The following EPC1 variants were observed in gnomAD, a reference collection of about 807,000 sequenced individuals.
The protein encoded by EPC1 is enhancer of polycomb homolog 1.
Under a neutral mutation model 98.4 loss-of-function variants are expected in EPC1, and 12 were observed. That is an observed-to-expected ratio of 0.12 (90% confidence interval 0.08 to 0.20). The LOEUF is 0.20. EPC1 is among the 10% of genes least tolerant of loss of function. The pLI, the probability that EPC1 is intolerant of heterozygous loss-of-function variation, is 1.00. For synonymous variants in EPC1, 357 were observed against 363.9 expected (o/e 0.98, Z 0.21); for missense variants, 729 against 990.5 (o/e 0.74, Z 3.54).
intron 1 of EPC1, among the ~76,000 whole-genome samples, chr10:32,336,366 C>T (rs1837975073): frequency 6.6e-6 from 1 of 152,132 alleles, no homozygotes; most frequent in Non-Finnish European, 1.5e-5. Flanking sequence ...CCGTGCCCGG[C>T]CTACTACCTA....
chr10:32,309,630 CG>C (rs923569126), intron 1 of EPC1, among the ~76,000 whole-genome samples: 1 of 142,480 alleles, frequency 7.0e-6, no homozygotes, highest in Non-Finnish European at 1.5e-5. Flanking sequence ...CCAAGGCAGG[CG>C]GATCACTTGA....
intron 10 of EPC1, chr10:32,284,260 T>A (rs903439642): frequency 6.5e-6 from 1 of 153,368 alleles, no homozygotes; most frequent in African/African-American, 2.4e-5. Context: ...CTTTAACAAA[T>A]TATTCTGAAT....
At chr10:32,362,756 A>G (rs1839479971) in intron 1 of EPC1, among the ~76,000 whole-genome samples, 2 of 152,112 alleles carry the variant, frequency 1.3e-5, no homozygotes, top group South Asian at 4.1e-4. Flanking sequence ...CCTGGTAGAT[A>G]AGGCACCAAA....
rs113979419 is a variant in EPC1 at position 32,354,000 on chromosome 10, C to G, written c.3+24491G>C. On this transcript the variant is annotated intron_variant, in intron 1 of 13. Coordinates refer to the EPC1 transcript ENST00000375110. ...GTTGGAAAGAAAATATTACAGTTGCCTTTCAATATATTTACTAAGGTGTCA... is the reference window on the plus strand; with the variant it reads ...GTTGGAAAGAAAATATTACAGTTGCGTTTCAATATATTTACTAAGGTGTCA... Among the ~76,000 whole-genome samples, 842 of 152,144 alleles carry G rather than the reference C, an allele frequency of 5.5e-3. 6 individuals carry two copies. The highest frequency in any genetic ancestry group is 9.3e-3 in the Non-Finnish European group (635 of 68,008).
chr10:32,346,648 T>G, intron 1 of EPC1, 115 bp downstream of exon 1: 8 of 1,027,978 alleles, frequency 7.8e-6, no homozygotes, highest in East Asian at 2.6e-5. Context: ...CGACTGAGAG[T>G]CGGCGGCGAA....
At chr10:32,362,782 C>T (rs1016991074) in intron 1 of EPC1, among the ~76,000 whole-genome samples, 4 of 152,090 alleles carry the variant, frequency 2.6e-5, no homozygotes, top group Admixed American at 2.6e-4. Flanking sequence ...ACATGGATAC[C>T]CCATCTGCTT....
chr10:32,315,709 T>C (rs117273045), intron 1 of EPC1, among the ~76,000 whole-genome samples: 4 of 152,330 alleles, frequency 2.6e-5, no homozygotes, highest in Non-Finnish European at 5.9e-5. Flanking sequence ...AGTAACTCTA[T>C]GGAGGAACAC....
intron 1 of EPC1, among the ~76,000 whole-genome samples, chr10:32,334,065 C>G (rs901992019): frequency 3.9e-5 from 6 of 152,174 alleles, no homozygotes; most frequent in African/African-American, 1.4e-4. Context: ...TGTGGAGAAA[C>G]AACCACATGC....
chr10:32,296,906 C>CAAA (rs879816360), intron 2 of EPC1, among the ~76,000 whole-genome samples: 7 of 129,604 alleles, frequency 5.4e-5, no homozygotes, highest in African/African-American at 1.9e-4. Flanking sequence ...GACTCCATCT[C>CAAA]AAAAAAAAAA....
At chr10:32,307,040 TA>T (rs1564537864) in intron 1 of EPC1, among the ~76,000 whole-genome samples, 1 of 152,210 alleles carries the variant, frequency 6.6e-6, no homozygotes, top group Non-Finnish European at 1.5e-5. Flanking sequence ...TATTCCTATA[TA>T]AATGGATATA....
At chr10:32,363,248 A>AT (rs1235762047) in intron 1 of EPC1, among the ~76,000 whole-genome samples, 1 of 151,984 alleles carries the variant, frequency 6.6e-6, no homozygotes, top group Non-Finnish European at 1.5e-5. Context: ...TAATCTTTAT[A>AT]TTTTTTTGCA....
intron 2 of EPC1, among the ~76,000 whole-genome samples, chr10:32,297,458 G>A (rs1166056269): frequency 2.0e-5 from 3 of 151,714 alleles, no homozygotes. Context: ...GCAAATTTTT[G>A]TATTTTTTAG....
intron 1 of EPC1, among the ~76,000 whole-genome samples, chr10:32,314,821 T>C (rs1324080518): frequency 6.6e-6 from 1 of 152,268 alleles, no homozygotes; most frequent in African/African-American, 2.4e-5. Context: ...ACATCTGCTC[T>C]GATCCTCTGT....
At chr10:32,366,004 G>A (rs1451279478) in intron 1 of EPC1, among the ~76,000 whole-genome samples, 4 of 151,072 alleles carry the variant, frequency 2.6e-5, no homozygotes, top group African/African-American at 7.3e-5. Context: ...ATGGTGGCGC[G>A]TGCCTGTAAT....
chr10:32,292,883 G>A (rs1834931466), intron 4 of EPC1, 105 bp downstream of exon 4: 1 of 813,404 alleles, frequency 1.2e-6, no homozygotes, highest in African/African-American at 1.8e-5. Flanking sequence ...TCTTATAATT[G>A]GAAAGTCATA....
intron 1 of EPC1, among the ~76,000 whole-genome samples, chr10:32,353,248 GAA>G (rs1158103372): frequency 6.6e-6 from 1 of 152,014 alleles, no homozygotes; most frequent in Non-Finnish European, 1.5e-5. Context: ...TAGAATCGAA[GAA>G]AGAGATGTTT....
At chr10:32,357,423 T>C (rs1839310612) in intron 1 of EPC1, among the ~76,000 whole-genome samples, 1 of 152,224 alleles carries the variant, frequency 6.6e-6, no homozygotes, top group Non-Finnish European at 1.5e-5. Context: ...TAACACTTTG[T>C]GTTTCTGTTT....
At chr10:32,297,808 A>ATTG (rs1050185201) in intron 2 of EPC1, among the ~76,000 whole-genome samples, 2 of 151,108 alleles carry the variant, frequency 1.3e-5, no homozygotes, top group African/African-American at 4.9e-5. Flanking sequence ...TATTATTATT[A>ATTG]TTATTTTGAG....
intron 1 of EPC1, 67 bp downstream of exon 1, chr10:32,346,696 C>T: frequency 1.4e-6 from 2 of 1,471,498 alleles, no homozygotes; most frequent in Non-Finnish European, 1.9e-6. Context: ...TTTGCTGCTC[C>T]GCCGCCGCCG....
Sources: allele counts gnomAD v4.1 joint callset (sites outside exome capture counted in the v4.1 genomes callset), GRCh38; gene constraint gnomAD v4.1.1; transcripts MANE v1.5; gene names NCBI Gene and HGNC (gene_info 2026-07-23, HGNC 2026-07-21).